Variants in ZFHX3 observed in about 807,000 individuals in gnomAD.
ZFHX3 encodes the protein zinc finger homeobox protein 3.
In ZFHX3, 42 loss-of-function variants were observed where a neutral mutation model predicts 279.1. The ratio of observed to expected loss-of-function variants is 0.15; its 90% confidence interval spans 0.12 to 0.19. The LOEUF (loss-of-function observed/expected upper bound fraction) is 0.19, where lower values mean the gene tolerates loss of function less well. ZFHX3 is among the 10% of genes least tolerant of loss of function. The probability of loss-of-function intolerance (pLI) is 1.00; values close to 1 mark genes in which losing one functional copy is unlikely to be tolerated. For missense variants in ZFHX3, 4,981 were observed against 4,754.0 expected (o/e 1.05, Z -1.40); for synonymous variants, 2,293 against 1,957.8 (o/e 1.17, Z -4.52).
chr16:73,219,420 G>A (rs939959455), intron 5 of ZFHX3, among the ~76,000 whole-genome samples: 3 of 152,184 alleles, frequency 2.0e-5, no homozygotes, highest in African/African-American at 7.2e-5. Flanking sequence ...GGTTGGGCAG[G>A]CCAGAAATAA....
intron 1 of ZFHX3, among the ~76,000 whole-genome samples, chr16:73,758,922 T>C (rs1309755399): frequency 1.3e-5 from 2 of 152,232 alleles, no homozygotes; most frequent in African/African-American, 4.8e-5. Context: ...ATTATCCCCA[T>C]TTTACAAAAG....
At chr16:73,708,523 G>A (rs1430844682) in intron 1 of ZFHX3, among the ~76,000 whole-genome samples, 1 of 152,164 alleles carries the variant, frequency 6.6e-6, no homozygotes, top group East Asian at 1.9e-4. Flanking sequence ...CAAGAAGAAT[G>A]TTCTAGTTCA....
At chr16:73,645,006 T>C (rs1308068309) in intron 2 of ZFHX3, among the ~76,000 whole-genome samples, 3 of 152,306 alleles carry the variant, frequency 2.0e-5, no homozygotes, top group East Asian at 3.9e-4. Flanking sequence ...CCTGATTCAC[T>C]GGCATGACTG....
intron 3 of ZFHX3, among the ~76,000 whole-genome samples, chr16:72,933,551 T>C (rs911401245): frequency 1.5e-4 from 23 of 152,178 alleles, no homozygotes; most frequent in Admixed American, 3.9e-4. Context: ...TGCTGTCTAT[T>C]TTACAGCCTT....
At chr16:72,995,326 AGGACGGAAC>A (rs1963245507) in intron 1 of ZFHX3, among the ~76,000 whole-genome samples, 1 of 152,168 alleles carries the variant, frequency 6.6e-6, no homozygotes, top group South Asian at 2.1e-4. Context: ...GGTGCCCTGG[AGGACGGAAC>A]GGGAACTGCA....
intron 2 of ZFHX3, among the ~76,000 whole-genome samples, chr16:73,598,651 C>G (rs2052078778): frequency 1.3e-5 from 2 of 152,058 alleles, no homozygotes; most frequent in Admixed American, 6.5e-5. Flanking sequence ...AACTCCTGAG[C>G]TCAAGCAATC....
chr16:72,917,925 G>C (rs1401564468), intron 3 of ZFHX3, among the ~76,000 whole-genome samples: 1 of 152,146 alleles, frequency 6.6e-6, no homozygotes, highest in Non-Finnish European at 1.5e-5. Context: ...TTATAAACTT[G>C]AGAGGGCAGC....
intron 1 of ZFHX3, among the ~76,000 whole-genome samples, chr16:73,755,924 C>A (rs1174071792): frequency 6.6e-6 from 1 of 152,206 alleles, no homozygotes; most frequent in African/African-American, 2.4e-5. Flanking sequence ...CTCCCACGGC[C>A]GGGTGACAGT....
intron 4 of ZFHX3, among the ~76,000 whole-genome samples, chr16:73,315,882 G>T (rs1253307589): frequency 1.3e-5 from 2 of 152,190 alleles, no homozygotes; most frequent in Non-Finnish European, 2.9e-5. Flanking sequence ...CCCCCTGGGA[G>T]TTGCAAGGAA....
chr16:73,182,403 G>A (rs1967816743), intron 5 of ZFHX3, among the ~76,000 whole-genome samples: 1 of 152,222 alleles, frequency 6.6e-6, no homozygotes, highest in Non-Finnish European at 1.5e-5. Context: ...GTTGCAGTGA[G>A]CCAAGATCGT....
chr16:73,444,640 G>A (rs1330222627), intron 3 of ZFHX3, among the ~76,000 whole-genome samples: 1 of 152,180 alleles, frequency 6.6e-6, no homozygotes, highest in Non-Finnish European at 1.5e-5. Context: ...AATTCCAGGT[G>A]AGCACATTTA....
chr16:73,802,479 T>C (rs1055358082), intron 1 of ZFHX3, among the ~76,000 whole-genome samples: 1 of 152,230 alleles, frequency 6.6e-6, no homozygotes, highest in African/African-American at 2.4e-5. Flanking sequence ...CCCAGTATTT[T>C]CTAGCAGAAG....
At chr16:73,270,145 T>C (rs1483636728) in intron 4 of ZFHX3, among the ~76,000 whole-genome samples, 3 of 152,208 alleles carry the variant, frequency 2.0e-5, no homozygotes, top group Non-Finnish European at 4.4e-5. Flanking sequence ...TTTGAAAAGT[T>C]TAGTCATTCT....
At chr16:73,501,415 C>G (rs780176835) in intron 2 of ZFHX3, among the ~76,000 whole-genome samples, 2 of 152,172 alleles carry the variant, frequency 1.3e-5, no homozygotes, top group Non-Finnish European at 2.9e-5. Flanking sequence ...AAAGCTACCC[C>G]AGCACATCTC....
At chr16:73,889,216 G>T (rs368680693) in intron 1 of ZFHX3, among the ~76,000 whole-genome samples, 2 of 152,202 alleles carry the variant, frequency 1.3e-5, no homozygotes, top group Admixed American at 1.3e-4. Flanking sequence ...GGACAGATGG[G>T]AATAAGGACA....
chr16:73,270,570 G>A (rs916478954), intron 4 of ZFHX3, among the ~76,000 whole-genome samples: 2 of 152,180 alleles, frequency 1.3e-5, no homozygotes, highest in Non-Finnish European at 2.9e-5. Flanking sequence ...CTTGTTCCCA[G>A]TGGACATGAC....
At chr16:73,600,326 T>C (rs901560487) in intron 2 of ZFHX3, among the ~76,000 whole-genome samples, 1 of 152,120 alleles carries the variant, frequency 6.6e-6, no homozygotes, top group Non-Finnish European at 1.5e-5. Context: ...ATGAAGGCAC[T>C]GGACTTGTTC....
chr16:73,493,108 C>G (rs1192953726), intron 2 of ZFHX3, among the ~76,000 whole-genome samples: 4 of 151,974 alleles, frequency 2.6e-5, no homozygotes, highest in Admixed American at 2.6e-4. Flanking sequence ...GTATCCACCT[C>G]TCTCTGTAAT....
chr16:73,298,156 A>G (rs1229466778), intron 4 of ZFHX3, among the ~76,000 whole-genome samples: 1 of 151,676 alleles, frequency 6.6e-6, no homozygotes, highest in Non-Finnish European at 1.5e-5. Flanking sequence ...GAGTCACTGT[A>G]TTCCAGCCTG....
Sources: gnomAD v4.1 joint callset for allele counts (sites outside exome capture counted in the v4.1 genomes callset) on GRCh38, gnomAD v4.1.1 for gene constraint, MANE v1.5 for transcripts, NCBI Gene and HGNC (gene_info 2026-07-23, HGNC 2026-07-21) for gene names.